FZD3: variants seen among roughly 807,000 people sequenced by gnomAD.
The protein encoded by FZD3 is frizzled class receptor 3.
FZD3 carries 30 observed loss-of-function variants against 60.7 expected under a neutral mutation model. That is an observed-to-expected ratio of 0.49 (90% CI 0.37 to 0.67). The LOEUF (loss-of-function observed/expected upper bound fraction) is 0.67. Among genes scored for constraint, FZD3 ranks in the 30% least tolerant of loss-of-function variants. The probability of loss-of-function intolerance (pLI) is 0.00; values close to 1 mark genes in which losing one functional copy is unlikely to be tolerated. For synonymous variants in FZD3, 246 were observed against 275.2 expected (o/e 0.89, Z 1.05); for missense variants, 605 against 838.7 (o/e 0.72, Z 3.44).
At chr8:28,498,030 T>C (rs1164395416) in intron 1 of FZD3, among the ~76,000 whole-genome samples, 1 of 152,270 alleles carries the variant, frequency 6.6e-6, no homozygotes, top group Non-Finnish European at 1.5e-5. Context: ...AAATTCCTGA[T>C]GTTATACATT....
At chr8:28,539,676 T>C (rs1585986223) in intron 5 of FZD3, among the ~76,000 whole-genome samples, 2 of 152,316 alleles carry the variant, frequency 1.3e-5, no homozygotes, top group Non-Finnish European at 2.9e-5. Flanking sequence ...AGGCTTGATA[T>C]AAGTCAATAT....
rs1805663313 is a variant in FZD3, at chr8:28,564,123, G to T, written c.*1112G>T. 1 of 152,536 alleles carries T rather than the reference G, an allele frequency of 6.6e-6. No individual in the cohort carries two copies. Among genetic ancestry groups the T allele is most frequent in the Non-Finnish European group, 1.5e-5 (1 of 68,014 alleles). The allele number at this position is 152,536 out of a possible 1,614,324, so 9.4% of individuals were successfully genotyped here. ...ATATATATAACCTCAGTCCAAAGTG[G>T]TGATTGATTTGAGTATTTGAAAATT... On this transcript the variant is annotated 3_prime_UTR_variant, in exon 8 of 8. Transcript: ENST00000240093.
chr8:28,527,876 A>G lies in FZD3; in HGVS notation c.1116A>G (p.Arg372=). ...FVGLYDVDAL[R]YFVLAPLCLY... ...GCCTCTACGATGTTGATGCATTGAG[A>G]TATTTTGTTCTTGCTCCCCTCTGCC... Residue 372 remains arginine, a synonymous_variant, in exon 5 of 8, where the codon AGA becomes AGG. Coordinates refer to ENST00000240093, the MANE Select transcript of FZD3 (RefSeq NM_017412.4). The surrounding 1 kb of genome is among the most constrained non-coding windows in gnomAD (Gnocchi z 5.0). 6.2e-7 allele frequency: 1 copy of G among 1,614,086 alleles called. No homozygotes were observed. Among genetic ancestry groups the G allele is most frequent in the Non-Finnish European group, 8.5e-7 (1 of 1,179,984 alleles).
At chr8:28,508,136 C>T (rs1388088482) in intron 3 of FZD3, among the ~76,000 whole-genome samples, 1 of 152,166 alleles carries the variant, frequency 6.6e-6, no homozygotes, top group South Asian at 2.1e-4. Context: ...CTGAAGCTAT[C>T]CTCCTGCCTT....
intron 2 of FZD3, among the ~76,000 whole-genome samples, chr8:28,501,064 A>G (rs1228916379): frequency 6.6e-6 from 1 of 152,180 alleles, no homozygotes; most frequent in Non-Finnish European, 1.5e-5. Context: ...CCTGCCCAGT[A>G]TCTGTTTTCT....
At chr8:28,532,197 GTTC>G (rs551462508) in intron 5 of FZD3, among the ~76,000 whole-genome samples, 64 of 152,052 alleles carry the variant, frequency 4.2e-4, no homozygotes, top group Admixed American at 2.1e-3. Context: ...TCTTTACCTT[GTTC>G]TTCTTCTTCA....
rs79482944 is a variant in FZD3, at chr8:28,559,260, T to G, written c.1787+3289T>G. ...GAGCTAGAATCCCTTGAGTCACTAT[T>G]AAGAAAAGAACAACAGGCCAAAAAC... On this transcript the variant is annotated intron_variant, in intron 7 of 7. Transcript: ENST00000240093. Among the ~76,000 whole-genome samples, 201 of 152,318 alleles carry G rather than the reference T, an allele frequency of 1.3e-3. 1 individual carries two copies. Among genetic ancestry groups the G allele is most frequent in the African/African-American group, 4.4e-3 (184 of 41,570 alleles).
chr8:28,497,226 A>T (rs986360847), intron 1 of FZD3, among the ~76,000 whole-genome samples: 2 of 152,218 alleles, frequency 1.3e-5, no homozygotes, highest in African/African-American at 4.8e-5. Flanking sequence ...TCAGTAGATG[A>T]TGACAAATGG....
intron 5 of FZD3, among the ~76,000 whole-genome samples, chr8:28,545,200 C>T (rs998872911): frequency 2.6e-5 from 4 of 152,256 alleles, no homozygotes; most frequent in African/African-American, 9.6e-5. Flanking sequence ...ATGCAGCCCC[C>T]TGCCTCCAAC....
At chr8:28,530,229 T>A (rs960692164) in intron 5 of FZD3, among the ~76,000 whole-genome samples, 3 of 152,140 alleles carry the variant, frequency 2.0e-5, no homozygotes, top group Admixed American at 1.3e-4. Context: ...GGTATTAAAC[T>A]GTAAGCTGGA....
chr8:28,510,786 G>A (rs1172676331), intron 3 of FZD3, among the ~76,000 whole-genome samples: 4 of 151,820 alleles, frequency 2.6e-5, no homozygotes, highest in African/African-American at 9.7e-5. Context: ...CCTATAATCT[G>A]AGCACTTTGG....
intron 5 of FZD3, among the ~76,000 whole-genome samples, chr8:28,544,917 C>A (rs576180626): frequency 6.6e-6 from 1 of 152,302 alleles, no homozygotes. Flanking sequence ...CTGATGGGAA[C>A]TGCAGAGTCC....
In FZD3 at chr8:28,565,723, C is replaced by T. The variant is rs1805694058; in HGVS notation, c.*2712C>T. On this transcript the variant is annotated 3_prime_UTR_variant, in exon 8 of 8. Transcript: ENST00000240093. Reference sequence around the variant, plus strand: ...TTTCAGTAAGTATCTTAATTTTGTCCCACAAAATTTATGTAATATTAATCC... The same window carrying T: ...TTTCAGTAAGTATCTTAATTTTGTCTCACAAAATTTATGTAATATTAATCC... 1 of 151,802 alleles carries T rather than the reference C, an allele frequency of 6.6e-6. No individual in the cohort carries two copies. 9.4% of individuals were successfully genotyped at this position (151,802 alleles called of 1,614,324 possible).
chr8:28,527,565 C>T lies in FZD3; in HGVS notation c.805C>T (p.Pro269Ser). ...TCGAGTAGCCTGCAATGCATCCATCCCTGCACAATATAAGGCTTCCACAGT... is the reference window on the plus strand; with the variant it reads ...TCGAGTAGCCTGCAATGCATCCATCTCTGCACAATATAAGGCTTCCACAGT... ...EDRVACNASI[P>S]AQYKASTVTQ... is the part of the protein sequence containing the mutation. Residue 269 changes from proline (P) to serine (S), a missense_variant, in exon 5 of 8, where the codon CCT (proline) becomes TCT (serine). Coordinates refer to ENST00000240093, the MANE Select transcript of FZD3 (RefSeq NM_017412.4). The surrounding 1 kb of genome is among the most constrained non-coding windows in gnomAD (Gnocchi z 5.0). The T allele has an allele frequency of 1.2e-6, 2 of 1,613,820 alleles. No individual in the cohort carries two copies. Among genetic ancestry groups the T allele is most frequent in the Non-Finnish European group, 1.7e-6 (2 of 1,179,800 alleles).
At position 28,539,607 on chromosome 8, in the gene FZD3, G is replaced by GA. The variant is rs1458128789; in HGVS notation, c.1404+11444dup. ...AACTGTTGTCACTTACCAGTTGTATGACAGACTCTGTATGAACCTGATGAA... is the reference window on the plus strand; with the variant it reads ...AACTGTTGTCACTTACCAGTTGTATGAACAGACTCTGTATGAACCTGATGAA... On this transcript the variant is annotated intron_variant, in intron 5 of 7. Coordinates refer to ENST00000240093, the MANE Select transcript of FZD3 (RefSeq NM_017412.4). 4.6e-5 allele frequency among the ~76,000 whole-genome samples: 7 copies of GA among 152,302 alleles called. No homozygotes were observed. The South Asian group carries it at 1.2e-3, about 27-fold the overall frequency.
intron 1 of FZD3, 21 bp from the exon 2 acceptor site, chr8:28,499,912 T>C (rs550270524): frequency 8.0e-4 from 122 of 152,354 alleles, no homozygotes; most frequent in African/African-American, 2.3e-3. Flanking sequence ...ACCTTTATTC[T>C]TTTTAATTAT....
chr8:28,555,274 G>T (rs1195367283), intron 6 of FZD3, among the ~76,000 whole-genome samples: 1 of 152,156 alleles, frequency 6.6e-6, no homozygotes, highest in African/African-American at 2.4e-5. Context: ...CTACAGTGAA[G>T]CCTCTACTAG....
chr8:28,541,104 C>G (rs1396722979), intron 5 of FZD3, among the ~76,000 whole-genome samples: 2 of 151,940 alleles, frequency 1.3e-5, no homozygotes, highest in South Asian at 2.1e-4. Context: ...ATTTTTGTGT[C>G]TCTGTGTGAT....
At chr8:28,509,160 T>A (rs1398602324) in intron 3 of FZD3, among the ~76,000 whole-genome samples, 2 of 151,950 alleles carry the variant, frequency 1.3e-5, no homozygotes, top group Non-Finnish European at 2.9e-5. Flanking sequence ...GAGGAATGAC[T>A]TTAATTTTTT....
Sources: allele counts gnomAD v4.1 joint callset (sites outside exome capture counted in the v4.1 genomes callset), GRCh38; gene constraint gnomAD v4.1.1; non-coding constraint Gnocchi (gnomAD v3.1); transcripts MANE v1.5; gene names NCBI Gene and HGNC (gene_info 2026-07-23, HGNC 2026-07-21).